The following CADPS variants were observed in gnomAD, a reference collection of about 807,000 sequenced individuals.
CADPS encodes calcium-dependent secretion activator 1.
CADPS carries 57 observed loss-of-function variants against 167.3 expected under a neutral mutation model. That is an observed-to-expected ratio of 0.34 (90% CI 0.28 to 0.42). The LOEUF is 0.42. Ranked by LOEUF, CADPS falls within the 20% of genes least tolerant of loss-of-function variation. CADPS has a pLI of 1.00. For synonymous variants in CADPS, 676 were observed against 635.3 expected (o/e 1.06, Z -0.96); for missense variants, 1,414 against 1,738.1 (o/e 0.81, Z 3.32).
intron 1 of CADPS, among the ~76,000 whole-genome samples, chr3:62,776,025 T>C (rs1293127577): frequency 1.3e-5 from 2 of 152,194 alleles, no homozygotes; most frequent in African/African-American, 4.8e-5. Flanking sequence ...GCATCATTAT[T>C]GATAATGTTA....
intron 1 of CADPS, among the ~76,000 whole-genome samples, chr3:62,788,405 C>A (rs1489976589): frequency 6.6e-6 from 1 of 152,130 alleles, no homozygotes; most frequent in African/African-American, 2.4e-5. Context: ...GCACGCACTT[C>A]ACCACGAAGT....
chr3:62,468,193 G>A (rs1477635051), intron 24 of CADPS, among the ~76,000 whole-genome samples: 1 of 152,068 alleles, frequency 6.6e-6, no homozygotes, highest in Non-Finnish European at 1.5e-5. Flanking sequence ...AAGAATTCAG[G>A]AAAATTGACA....
chr3:62,806,624 T>C (rs1280483157), intron 1 of CADPS, among the ~76,000 whole-genome samples: 1 of 152,170 alleles, frequency 6.6e-6, no homozygotes, highest in African/African-American at 2.4e-5. Flanking sequence ...CCCTTTATGG[T>C]TGAGGAAACA....
intron 8 of CADPS, among the ~76,000 whole-genome samples, chr3:62,582,616 C>T (rs1226778133): frequency 6.6e-6 from 1 of 152,114 alleles, no homozygotes; most frequent in Non-Finnish European, 1.5e-5. Flanking sequence ...CCTTAGGCAA[C>T]TAAGGTTGCT....
intron 28 of CADPS, among the ~76,000 whole-genome samples, chr3:62,437,841 G>A (rs933554782): frequency 6.6e-6 from 1 of 152,098 alleles, no homozygotes; most frequent in African/African-American, 2.4e-5. Flanking sequence ...TGCAAGCTTC[G>A]TGCAGGAATG....
intron 3 of CADPS, among the ~76,000 whole-genome samples, chr3:62,739,366 A>G (rs1167412528): frequency 1.3e-5 from 2 of 152,182 alleles, no homozygotes; most frequent in Non-Finnish European, 2.9e-5. Flanking sequence ...CCAAGACCAT[A>G]AGAACTACCC....
chr3:62,587,425 C>T (rs778611642), intron 7 of CADPS, among the ~76,000 whole-genome samples: 1 of 152,182 alleles, frequency 6.6e-6, no homozygotes, highest in Non-Finnish European at 1.5e-5. Flanking sequence ...AGGCCTGACA[C>T]TTTGTGGGAG....
intron 10 of CADPS, among the ~76,000 whole-genome samples, chr3:62,554,113 G>T (rs1046622608): frequency 1.3e-5 from 2 of 152,158 alleles, no homozygotes; most frequent in Admixed American, 6.5e-5. Context: ...ATAAACTGTG[G>T]CATTGAATTA....
intron 6 of CADPS, among the ~76,000 whole-genome samples, chr3:62,629,762 T>A (rs202042631): frequency 8.6e-6 from 1 of 115,728 alleles, no homozygotes; most frequent in Non-Finnish European, 2.0e-5. Context: ...GTACAGTTTT[T>A]TTTTTGTTTG....
At chr3:62,556,830 T>G (rs1240168241) in intron 10 of CADPS, among the ~76,000 whole-genome samples, 3 of 151,848 alleles carry the variant, frequency 2.0e-5, no homozygotes, top group Non-Finnish European at 2.9e-5. Flanking sequence ...TGTCTCTGCT[T>G]GTGGATTGGT....
At chr3:62,492,555 A>C in intron 19 of CADPS, 109 bp from the exon 20 acceptor site, 1 of 1,057,136 alleles carries the variant, frequency 9.5e-7, no homozygotes, top group South Asian at 1.5e-5. Flanking sequence ...TGCATCCAGC[A>C]GGGTTTGGTA....
chr3:62,799,810 T>A (rs1486739276), intron 1 of CADPS, among the ~76,000 whole-genome samples: 2 of 152,130 alleles, frequency 1.3e-5, no homozygotes, highest in Non-Finnish European at 2.9e-5. Flanking sequence ...ACCACCACCA[T>A]CACAGTTGGA....
intron 6 of CADPS, among the ~76,000 whole-genome samples, chr3:62,621,147 A>G (rs1489751503): frequency 1.3e-5 from 2 of 152,200 alleles, no homozygotes; most frequent in Non-Finnish European, 2.9e-5. Flanking sequence ...AAATCTCTGG[A>G]TATGGGGGCA....
chr3:62,593,075 T>C (rs147528797), intron 6 of CADPS, among the ~76,000 whole-genome samples: 1 of 152,346 alleles, frequency 6.6e-6, no homozygotes, highest in African/African-American at 2.4e-5. Context: ...ATCACTAATA[T>C]TTCATTGCAT....
At chr3:62,401,740 T>G (rs1706260347) in intron 29 of CADPS, among the ~76,000 whole-genome samples, 2 of 151,976 alleles carry the variant, frequency 1.3e-5, no homozygotes, top group Admixed American at 1.3e-4. Flanking sequence ...ACATTTTTTT[T>G]TTTTTGTTTT....
intron 10 of CADPS, among the ~76,000 whole-genome samples, chr3:62,556,021 G>A (rs1029655292): frequency 1.3e-5 from 2 of 152,136 alleles, no homozygotes; most frequent in African/African-American, 2.4e-5. Context: ...GCAGATGTGA[G>A]CCACCACTCC....
At chr3:62,775,768 C>T (rs2090126023) in intron 1 of CADPS, among the ~76,000 whole-genome samples, 1 of 152,200 alleles carries the variant, frequency 6.6e-6, no homozygotes, top group Non-Finnish European at 1.5e-5. Context: ...CTTCCTCGTG[C>T]TGCCTGAGTG....
chr3:62,784,203 G>A (rs2092136159), intron 1 of CADPS, among the ~76,000 whole-genome samples: 1 of 152,088 alleles, frequency 6.6e-6, no homozygotes, highest in African/African-American at 2.4e-5. Flanking sequence ...TAAAAATAAT[G>A]GCTACACAGT....
At chr3:62,610,288 TCACCCCAGCTGGAGTACAGTGG>T (rs2061328392) in intron 6 of CADPS, among the ~76,000 whole-genome samples, 1 of 151,880 alleles carries the variant, frequency 6.6e-6, no homozygotes, top group Non-Finnish European at 1.5e-5. Context: ...TCTTACTCTG[TCACCCCAGCTGGAGTACAGTGG>T]CACAATCTCA....
Sources: allele counts gnomAD v4.1 joint callset (sites outside exome capture counted in the v4.1 genomes callset), GRCh38; gene constraint gnomAD v4.1.1; transcripts MANE v1.5; gene names NCBI Gene and HGNC (gene_info 2026-07-23, HGNC 2026-07-21).